PTPRG: variants seen among roughly 807,000 people sequenced by gnomAD.
PTPRG encodes receptor-type tyrosine-protein phosphatase gamma.
A neutral mutation model predicts 165.3 loss-of-function variants in PTPRG; 102 were observed. That is an observed-to-expected ratio of 0.62 (90% confidence interval 0.53 to 0.73). PTPRG has a LOEUF of 0.73. Ranked by LOEUF, PTPRG falls within the 30% of genes least tolerant of loss-of-function variation. The probability of loss-of-function intolerance (pLI) is 0.00; values close to 1 mark genes in which losing one functional copy is unlikely to be tolerated. For missense variants in PTPRG, 1,866 were observed against 1,861.4 expected (o/e 1.00, Z -0.05); for synonymous variants, 675 against 669.5 (o/e 1.01, Z -0.13).
At chr3:61,776,089 T>A (rs77409983) in intron 2 of PTPRG, among the ~76,000 whole-genome samples, 1 of 147,528 alleles carries the variant, frequency 6.8e-6, no homozygotes, top group Non-Finnish European at 1.5e-5. Flanking sequence ...ATAATAAAAT[T>A]AAAAAAAAAA....
intron 2 of PTPRG, among the ~76,000 whole-genome samples, chr3:61,831,563 A>G (rs956561127): frequency 6.6e-6 from 1 of 151,692 alleles, no homozygotes; most frequent in African/African-American, 2.4e-5. Flanking sequence ...GCCACCATTC[A>G]TTCATTCTGT....
chr3:62,076,066 A>G (rs1383762665), intron 4 of PTPRG, among the ~76,000 whole-genome samples: 2 of 152,140 alleles, frequency 1.3e-5, no homozygotes, highest in African/African-American at 4.8e-5. Flanking sequence ...GCTTGAGCTC[A>G]GTTACTCTAA....
chr3:62,016,583 T>G (rs2041549415), intron 4 of PTPRG, among the ~76,000 whole-genome samples: 1 of 152,254 alleles, frequency 6.6e-6, no homozygotes, highest in Admixed American at 6.5e-5. Flanking sequence ...CAACACCATT[T>G]CTGACTTCAG....
intron 2 of PTPRG, among the ~76,000 whole-genome samples, chr3:61,961,850 T>G (rs1156240055): frequency 6.6e-6 from 1 of 152,106 alleles, no homozygotes; most frequent in Non-Finnish European, 1.5e-5. Context: ...AACTCTGGGG[T>G]GTGTGCCACT....
chr3:61,926,912 C>T (rs776947247), intron 2 of PTPRG, among the ~76,000 whole-genome samples: 16 of 151,486 alleles, frequency 1.1e-4, no homozygotes, highest in South Asian at 6.2e-4. Context: ...AAAAACAGTT[C>T]GGGGGGAAGA....
At chr3:62,204,539 G>A (rs1004971930) in intron 12 of PTPRG, among the ~76,000 whole-genome samples, 1 of 152,126 alleles carries the variant, frequency 6.6e-6, no homozygotes, top group Non-Finnish European at 1.5e-5. Flanking sequence ...TGAAGTTTTC[G>A]ATTGTGAAAT....
chr3:61,597,287 G>T (rs1575527115), intron 1 of PTPRG, among the ~76,000 whole-genome samples: 1 of 152,022 alleles, frequency 6.6e-6, no homozygotes, highest in African/African-American at 2.4e-5. Context: ...TGTATTATCC[G>T]CCCTCCATAT....
chr3:61,996,610 C>T (rs1430188901), intron 3 of PTPRG, among the ~76,000 whole-genome samples: 1 of 152,172 alleles, frequency 6.6e-6, no homozygotes, highest in Non-Finnish European at 1.5e-5. Flanking sequence ...TTGTAGTACC[C>T]TGGGGCATCT....
intron 1 of PTPRG, among the ~76,000 whole-genome samples, chr3:61,733,693 C>G (rs1297598873): frequency 6.6e-6 from 1 of 152,172 alleles, no homozygotes; most frequent in Admixed American, 6.5e-5. Flanking sequence ...TGACTTCTTC[C>G]CAAAACATAA....
At position 61,591,239 on chromosome 3, in the gene PTPRG, G is replaced by A. The variant is rs191149493; in HGVS notation, c.85+28867G>A. Among the ~76,000 whole-genome samples the A allele has an allele frequency of 1.0e-3, 153 of 152,344 alleles. 1 individual carries two copies. The highest frequency in any genetic ancestry group is 3.4e-3 in the African/African-American group (142 of 41,584). On this transcript the variant is annotated intron_variant, in intron 1 of 29. Transcript: ENST00000474889. ...AGAGATTTGGAACTGTTGGATCATAGGATAATAGAAACGAGGGTCTTGGCT... is the reference window on the plus strand; with the variant it reads ...AGAGATTTGGAACTGTTGGATCATAAGATAATAGAAACGAGGGTCTTGGCT...
chr3:61,627,294 C>T (rs1305978829), intron 1 of PTPRG, among the ~76,000 whole-genome samples: 2 of 152,126 alleles, frequency 1.3e-5, no homozygotes, highest in East Asian at 1.9e-4. Flanking sequence ...TAGGATAATT[C>T]GGTTGGAGTA....
chr3:62,196,742 C>T (rs1338829230), intron 10 of PTPRG, among the ~76,000 whole-genome samples: 1 of 152,130 alleles, frequency 6.6e-6, no homozygotes, highest in Non-Finnish European at 1.5e-5. Context: ...ACTTATCTGT[C>T]AAATAAGAAA....
chr3:61,715,247 C>G lies in PTPRG; in HGVS notation c.86-33631C>G, dbSNP rs541059004. Among the ~76,000 whole-genome samples the G allele has an allele frequency of 4.7e-5, 7 of 147,656 alleles. No homozygotes were observed. In the East Asian group the frequency reaches 1.4e-3, roughly 29 times the overall value. On this transcript the variant is annotated intron_variant, in intron 1 of 29. Coordinates refer to ENST00000474889, the MANE Select transcript of PTPRG (RefSeq NM_002841.4). The stretch of plus-strand genomic sequence containing the variant: ...TTGTTTGTTTTTGAGTCAGGGTTGT[C>G]CTGTCTTTTTCCAGGCTGGAGTGTA...
chr3:62,190,615 G>C lies in PTPRG; in HGVS notation c.1034-854G>C, dbSNP rs115164076. Among the ~76,000 whole-genome samples, 1,435 of 152,274 alleles carry C rather than the reference G, an allele frequency of 9.4e-3. 10 individuals are homozygous for C. The highest frequency in any genetic ancestry group is 0.027 in the Middle Eastern group (8 of 294). On this transcript the variant is annotated intron_variant, in intron 8 of 29. Transcript: ENST00000474889. The surrounding 1 kb of genome is among the most constrained non-coding windows in gnomAD (Gnocchi z 5.2). ...CCCCACGTCAGGATAATTACACGGG[G>C]TTCTGCTGTTCCAGAGAAAGTCATC...
intron 28 of PTPRG, among the ~76,000 whole-genome samples, chr3:62,284,295 A>G (rs975202116): frequency 1.3e-5 from 2 of 152,140 alleles, no homozygotes; most frequent in Non-Finnish European, 2.9e-5. Flanking sequence ...TCTTCATTCA[A>G]CTTTTCAGTA....
chr3:61,766,292 C>G (rs1024802401), intron 2 of PTPRG, among the ~76,000 whole-genome samples: 1 of 152,132 alleles, frequency 6.6e-6, no homozygotes, highest in Admixed American at 6.6e-5. Flanking sequence ...CACTTTTCTC[C>G]CCAAAGAAAT....
chr3:61,711,893 C>CTTTT lies in PTPRG; in HGVS notation c.86-36971_86-36968dup, dbSNP rs34377397. On this transcript the variant is annotated intron_variant, in intron 1 of 29. Coordinates refer to ENST00000474889, the MANE Select transcript of PTPRG (RefSeq NM_002841.4). ...ACAAAGTTAGTGATGTTATTATAGT[C>CTTTT]TTTTTTTTTTTTTTTTTGAGACGGA... 3.7e-5 allele frequency among the ~76,000 whole-genome samples: 5 copies of CTTTT among 136,034 alleles called. 1 individual carries two copies. The highest frequency in any genetic ancestry group is 6.3e-5 in the Non-Finnish European group (4 of 63,582). The allele number at this position is 136,034 out of a possible 152,430, so 89.2% of individuals were successfully genotyped here.
chr3:62,026,973 CAT>C (rs1351809973), intron 4 of PTPRG, among the ~76,000 whole-genome samples: 4 of 150,072 alleles, frequency 2.7e-5, no homozygotes, highest in Non-Finnish European at 5.9e-5. Flanking sequence ...AGATGCCAGA[CAT>C]ATGGGCAAAT....
At chr3:62,090,235 C>G (rs1262540879) in intron 5 of PTPRG, among the ~76,000 whole-genome samples, 2 of 152,148 alleles carry the variant, frequency 1.3e-5, no homozygotes, top group African/African-American at 4.8e-5. Context: ...GCAGCGTATT[C>G]CCTGGTAGCT....
Sources: allele counts gnomAD v4.1 joint callset (sites outside exome capture counted in the v4.1 genomes callset), GRCh38; gene constraint gnomAD v4.1.1; non-coding constraint Gnocchi (gnomAD v3.1); transcripts MANE v1.5; gene names NCBI Gene and HGNC (gene_info 2026-07-23, HGNC 2026-07-21).